Variants in TTI1 observed in about 807,000 individuals in gnomAD.
TTI1 encodes TELO2 interacting protein 1.
Under a neutral mutation model 85.4 loss-of-function variants are expected in TTI1, and 52 were observed. The observed-to-expected ratio is 0.61, with a 90% CI of 0.49 to 0.77. The LOEUF (loss-of-function observed/expected upper bound fraction) is 0.77. TTI1 is among the 30% of genes least tolerant of loss of function. TTI1 has a pLI of 0.00. For synonymous variants in TTI1, 512 were observed against 503.9 expected (o/e 1.02, Z -0.22); for missense variants, 1,173 against 1,296.0 (o/e 0.91, Z 1.46).
chr20:38,008,095 C>A (rs750494330), intron 2 of TTI1, among the ~76,000 whole-genome samples: 3 of 152,120 alleles, frequency 2.0e-5, no homozygotes, highest in Non-Finnish European at 4.4e-5. Context: ...CTATTTTTCT[C>A]CTATTGGATT....
rs141783508 is a variant in TTI1, at chr20:38,003,862, T to C, written c.2504-1086A>G. Among the ~76,000 whole-genome samples, 1,216 of 152,254 alleles carry C rather than the reference T, an allele frequency of 8.0e-3. 6 individuals carry two copies. The highest frequency in any genetic ancestry group is 0.023 in the African/African-American group (951 of 41,526). On this transcript the variant is annotated intron_variant, in intron 3 of 7. Transcript: ENST00000373447. ...CTGTCCTTCACTTTTTTGTCTCCTC[T>C]TGATTCATCCTTTGATTAAAAGGGG...
intron 2 of TTI1, among the ~76,000 whole-genome samples, chr20:38,007,787 G>C (rs2073523793): frequency 1.3e-5 from 2 of 152,234 alleles, no homozygotes; most frequent in Admixed American, 6.5e-5. Flanking sequence ...CAGTATCAGA[G>C]AGCAAATGTG....
chr20:38,004,224 A>G (rs750180873), intron 3 of TTI1, among the ~76,000 whole-genome samples: 1 of 152,174 alleles, frequency 6.6e-6, no homozygotes, highest in African/African-American at 2.4e-5. Context: ...ACATCACCAC[A>G]AGATTTGAGA....
intron 7 of TTI1, among the ~76,000 whole-genome samples, chr20:37,996,128 AC>A (rs906726333): frequency 3.3e-5 from 5 of 152,226 alleles, no homozygotes; most frequent in African/African-American, 1.2e-4. Flanking sequence ...CCTCTCTAGC[AC>A]ACCGTCTTTC....
At chr20:38,031,943 A>C (rs1435069528) in intron 1 of TTI1, among the ~76,000 whole-genome samples, 2 of 152,250 alleles carry the variant, frequency 1.3e-5, no homozygotes, top group Admixed American at 6.5e-5. Context: ...TTGGTATAAA[A>C]GTGCTCAGTA....
intron 2 of TTI1, among the ~76,000 whole-genome samples, chr20:38,009,565 G>A (rs1205230357): frequency 2.6e-5 from 4 of 151,782 alleles, no homozygotes. Context: ...GAGTGCAGTG[G>A]TGCAATCATG....
chr20:38,016,649 C>T (rs1056136018), intron 1 of TTI1, among the ~76,000 whole-genome samples: 2 of 152,174 alleles, frequency 1.3e-5, no homozygotes, highest in Non-Finnish European at 2.9e-5. Context: ...TCAATTCCAC[C>T]CCTTTGACAC....
In TTI1 at chr20:38,013,464, TCCTCGGACACAGCCG is replaced by T. The variant is rs2073634567; in HGVS notation, c.338_352del (p.Ala113_Glu117del). 1.9e-6 allele frequency: 3 copies of T among 1,613,996 alleles called. No homozygotes were observed. The East Asian group carries it at 6.7e-5, about 36-fold the overall frequency. ...TCCCTGGATCACAGCCAATTTCAAC[TCCTCGGACACAGCCG>T]CAGGTTTTTGGGAGCTGGGTGAATA... On this transcript the variant is annotated inframe_deletion, in exon 2 of 8. Transcript: ENST00000373447.
chr20:37,996,683 G>A, intron 6 of TTI1, 66 bp downstream of exon 6: 1 of 1,540,266 alleles, frequency 6.5e-7, no homozygotes, highest in Non-Finnish European at 8.8e-7. Flanking sequence ...CTGAGCAGAG[G>A]GCATGATGGC....
In TTI1 at chr20:38,011,557, C is replaced by T; in HGVS notation, c.2260G>A (p.Ala754Thr). 1.2e-6 allele frequency: 2 copies of T among 1,614,194 alleles called. No homozygotes were observed. The highest frequency in any genetic ancestry group is 1.1e-5 in the South Asian group (1 of 91,076). ...GCATGCAGAACGCTGACAAAGGAAG[C>T]AGCTCTCTTATCGTAAAATTGGTCC... ...TLDQFYDKRA[A>T]SFVSVLHALM... The change falls in exon 2 of 8, where the codon GCT (alanine) becomes ACT (threonine). Residue 754 changes from alanine to threonine, a missense_variant. By Grantham distance (58) the Ala-to-Thr change is moderately conservative (BLOSUM62 0). Transcript: ENST00000373447.
In TTI1 at chr20:37,983,630, GA is replaced by G; in HGVS notation, c.3095del (p.Leu1032ProfsTer3). The G allele has an allele frequency of 1.3e-6, 2 of 1,528,384 alleles. No homozygotes were observed. Among genetic ancestry groups the G allele is most frequent in the Non-Finnish European group, 1.8e-6 (2 of 1,136,186 alleles). The allele number at this position is 1,528,384 out of a possible 1,614,324, so 94.7% of individuals were successfully genotyped here. On this transcript the variant is annotated frameshift_variant, in exon 8 of 8. Transcript: ENST00000373447. LOFTEE classifies it high-confidence loss of function. Reference protein sequence around the residue: ...KLQEAARSVFLHLMKVDPDST... With the variant: ...KLQEAARSVFXHLMKVDPDST... The stretch of plus-strand genomic sequence containing the variant: ...AGTCTGGGTCCACCTTCATCAAGTG[GA>G]GGAAGACGCTGTGGAGAGATGGAAA...
At chr20:38,029,783 A>G (rs929616604) in intron 1 of TTI1, among the ~76,000 whole-genome samples, 2 of 152,154 alleles carry the variant, frequency 1.3e-5, no homozygotes, top group African/African-American at 4.8e-5. Flanking sequence ...AGCCCTCATA[A>G]ATGGATTAAT....
chr20:37,998,211 A>C (rs1412675161), intron 5 of TTI1, among the ~76,000 whole-genome samples: 2 of 152,112 alleles, frequency 1.3e-5, no homozygotes, highest in African/African-American at 4.8e-5. Flanking sequence ...TACAGGCATG[A>C]GCCACCGCGA....
chr20:38,003,919 A>C (rs770273042), intron 3 of TTI1, among the ~76,000 whole-genome samples: 1 of 152,200 alleles, frequency 6.6e-6, no homozygotes, highest in Non-Finnish European at 1.5e-5. Flanking sequence ...CCAGCCTGTA[A>C]GAACTTCTGA....
At chr20:37,987,413 A>G (rs1405961545) in intron 7 of TTI1, 1 of 450,462 alleles carries the variant, frequency 2.2e-6, no homozygotes, top group Non-Finnish European at 4.5e-6. Context: ...AACATACCAA[A>G]TGGCCAGTTC....
At chr20:37,986,940 C>T (rs761598481) in intron 7 of TTI1, 5 of 340,796 alleles carry the variant, frequency 1.5e-5, no homozygotes, top group Non-Finnish European at 2.3e-5. Context: ...GTTCTAATTT[C>T]GCCCATTATT....
chr20:38,012,996 TAAACCATCA>T lies in TTI1; in HGVS notation c.812_820del (p.Leu271_Tyr274delinsHis), dbSNP rs1183503846. 6.2e-7 allele frequency: 1 copy of T among 1,614,078 alleles called. No individual in the cohort carries two copies. The highest frequency in any genetic ancestry group is 2.2e-5 in the East Asian group (1 of 44,892). ...CTTTTTTACCCAATCTGCTTCCCTG[TAAACCATCA>T]GCTCTGCTACTCTGTGCTCAACTGC... On this transcript the variant is annotated inframe_deletion, in exon 2 of 8. Coordinates refer to ENST00000373447, the MANE Select transcript of TTI1 (RefSeq NM_001303457.2).
At chr20:38,000,517 AACCT>A (rs2073410395) in intron 4 of TTI1, 2 of 155,196 alleles carry the variant, frequency 1.3e-5, no homozygotes, top group African/African-American at 2.4e-5. Context: ...ATGGACGCCC[AACCT>A]TCACAGGGCG....
intron 6 of TTI1, 21 bp from the exon 7 acceptor site, chr20:37,996,483 A>G (rs756968196): frequency 3.1e-6 from 5 of 1,611,700 alleles, no homozygotes; most frequent in Admixed American, 3.3e-5. Flanking sequence ...GAAAAACAAA[A>G]CAAGCATCAG....
Sources: allele counts gnomAD v4.1 joint callset (sites outside exome capture counted in the v4.1 genomes callset), GRCh38; gene constraint gnomAD v4.1.1; transcripts MANE v1.5; gene names NCBI Gene and HGNC (gene_info 2026-07-23, HGNC 2026-07-21).